Variants in PDZD7 observed in about 807,000 individuals in gnomAD.
PDZD7 encodes PDZ domain-containing protein 7.
In PDZD7, 72 loss-of-function variants were observed where a neutral mutation model predicts 84.7. That is an observed-to-expected ratio of 0.85 (90% CI 0.70 to 1.03). The LOEUF is 1.03. Ranked by LOEUF, PDZD7 falls within the 50% of genes least tolerant of loss-of-function variation. The probability of loss-of-function intolerance (pLI) is 0.00; values close to 1 mark genes in which losing one functional copy is unlikely to be tolerated. For synonymous variants in PDZD7, 594 were observed against 580.7 expected, an observed-to-expected ratio of 1.02 and a Z score of -0.33; for missense variants, 1,490 against 1,412.9, an observed-to-expected ratio of 1.05 and a Z score of -0.87.
intron 5 of PDZD7, 21 bp from the exon 6 acceptor site, chr10:101,021,966 G>A: frequency 1.2e-6 from 2 of 1,613,890 alleles, no homozygotes; most frequent in Non-Finnish European, 1.7e-6. Flanking sequence ...ACAGGCGTCA[G>A]TCTGATAGGC....
At chr10:101,013,503 T>C (rs74413927) in intron 11 of PDZD7, among the ~76,000 whole-genome samples, 4,963 of 152,226 alleles carry the variant, frequency 0.033, 115 homozygotes, top group Admixed American at 0.06. Context: ...TCTTAGAAGA[T>C]AGACGTAGGG....
At position 101,012,221 on chromosome 10, in the gene PDZD7, G is replaced by C. The variant is rs1333072224; in HGVS notation, c.1787C>G (p.Pro596Arg). ...HEGGIEDLVR[P>R]LLAILDRPEK... ...CGGCCTGTCGAGGATGGCCAGCAGG[G>C]GCCTCACCAGGTCCTCTATGCCTCC... Residue 596 changes from proline (P) to arginine (R), a missense_variant, in exon 12 of 17, where the codon CCC (proline) becomes CGC (arginine). Physicochemically the swap from Pro to Arg is moderately radical, Grantham distance 103. Coordinates refer to ENST00000619208, the MANE Select transcript of PDZD7 (RefSeq NM_001195263.2). 1 of 1,550,252 alleles carries C rather than the reference G, an allele frequency of 6.5e-7. No individual in the cohort carries two copies. The highest frequency in any genetic ancestry group is 1.4e-5 in the African/African-American group (1 of 73,044).
Position 101,008,302 on chromosome 10 carries a change from T to G in PDZD7, c.*165A>C. ...CTTGGACACTAAGGCAGAGCCTTAA[T>G]GACAGCTGAGGAGGGAAGAAAGTGG... On this transcript the variant is annotated 3_prime_UTR_variant, in exon 17 of 17. Coordinates refer to ENST00000619208, the MANE Select transcript of PDZD7 (RefSeq NM_001195263.2). The G allele has an allele frequency of 1.3e-6, 1 of 757,140 alleles. No individual in the cohort carries two copies. Among genetic ancestry groups the G allele is most frequent in the Non-Finnish European group, 2.1e-6 (1 of 483,700 alleles). The allele number at this position is 757,140 out of a possible 1,614,324, so 46.9% of individuals were successfully genotyped here.
In PDZD7 at chr10:101,023,577, G is replaced by A. The variant is rs1301894583; in HGVS notation, c.401C>T (p.Thr134Met). Reference protein sequence around the residue: ...RAGLCVGDKITEVNGLSLEST... With the variant: ...RAGLCVGDKIMEVNGLSLEST... ...CTCCAGGCTCAGCCCATTCACCTCC[G>A]TGATCTTGTCCCCCACGCACAGGCC... The change falls in exon 4 of 17, where the codon ACG (threonine) becomes ATG (methionine). Residue 134 changes from threonine to methionine, a missense_variant. Transcript: ENST00000619208. The A allele has an allele frequency of 2.5e-6, 4 of 1,613,496 alleles. No individual in the cohort carries two copies. The highest frequency in any genetic ancestry group is 2.5e-6 in the Non-Finnish European group (3 of 1,180,018).
At position 101,020,630 on chromosome 10, in the gene PDZD7, A is replaced by C. The variant is rs770262608; in HGVS notation, c.916T>G (p.Trp306Gly). The C allele has an allele frequency of 6.2e-7, 1 of 1,613,886 alleles. No individual in the cohort carries two copies. Among genetic ancestry groups the C allele is most frequent in the Middle Eastern group, 1.6e-4 (1 of 6,062 alleles). Reference sequence around the variant, plus strand: ...CTGAGCCACTTACGTCGGTCCAGCCAGCAGTACTCAGAAACCATCTCCTTG... The same window carrying C: ...CTGAGCCACTTACGTCGGTCCAGCCCGCAGTACTCAGAAACCATCTCCTTG... ...AYKEMVSEYC[W>G]LDRLSNGVLQ... Residue 306 changes from tryptophan (W) to glycine (G), a missense_variant, in exon 7 of 17, where the codon TGG (tryptophan) becomes GGG (glycine). Physicochemically the swap from Trp to Gly is radical, Grantham distance 184. Transcript: ENST00000619208.
chr10:101,018,811 C>T lies in PDZD7; in HGVS notation c.1324+11G>A. 8.2e-6 allele frequency: 13 copies of T among 1,579,002 alleles called. No homozygotes were observed. The highest frequency in any genetic ancestry group is 1.1e-5 in the Non-Finnish European group (13 of 1,159,790). ...TGTGGAGGGAGCAGCCGCCACCCAT[C>T]CCCCACGTACCCCACAAGGTCAGAT... is the stretch of plus-strand genomic sequence containing the variant. On this transcript the variant is annotated intron_variant, in intron 8 of 16. Coordinates refer to ENST00000619208, the MANE Select transcript of PDZD7 (RefSeq NM_001195263.2).
Position 101,008,762 on chromosome 10 carries a change from C to G in PDZD7, c.2807G>C (p.Arg936Pro), listed in dbSNP as rs963573075. ...RAVDTIRRAYRNKAREPMELV... is the reference protein window; with the variant it reads ...RAVDTIRRAYPNKAREPMELV... Reference sequence around the variant, plus strand: ...CTCCATGGGCTCCCGGGCCTTGTTTCGATAAGCCCGACGGATGGTGTCTAC... The same window carrying G: ...CTCCATGGGCTCCCGGGCCTTGTTTGGATAAGCCCGACGGATGGTGTCTAC... The change falls in exon 17 of 17, where the codon CGA (arginine) becomes CCA (proline). Residue 936 changes from arginine (R) to proline (P), a missense_variant. Coordinates refer to ENST00000619208, the MANE Select transcript of PDZD7 (RefSeq NM_001195263.2). The G allele has an allele frequency of 4.6e-6, 7 of 1,535,550 alleles. No individual in the cohort carries two copies. The highest frequency in any genetic ancestry group is 5.2e-6 in the Non-Finnish European group (6 of 1,146,598).
At position 101,015,621 on chromosome 10, in the gene PDZD7, G is replaced by C. The variant is rs1425104471; in HGVS notation, c.1749+15C>G. On this transcript the variant is annotated intron_variant, in intron 11 of 16. Coordinates refer to ENST00000619208, the MANE Select transcript of PDZD7 (RefSeq NM_001195263.2). ...AGGACCGTGTGCCAGGGCTGCGGATGGGATGAAGGCTTACCCGGGAGCAGT... is the reference window on the plus strand; with the variant it reads ...AGGACCGTGTGCCAGGGCTGCGGATCGGATGAAGGCTTACCCGGGAGCAGT... 1 of 1,546,088 alleles carries C rather than the reference G, an allele frequency of 6.5e-7. No individual in the cohort carries two copies. Among genetic ancestry groups the C allele is most frequent in the Admixed American group, 2.0e-5 (1 of 50,902 alleles).
At chr10:101,017,892 A>AAAGAAAGGAAAGAAAGAAAG (rs71013483) in intron 9 of PDZD7, 9 of 142,514 alleles carry the variant, frequency 6.3e-5, no homozygotes, top group African/African-American at 2.4e-4. Flanking sequence ...AGAAAGAAAG[A>AAAGAAAGGAAAGAAAGAAAG]AAAGAAAGAA....
intron 9 of PDZD7, chr10:101,017,883 GAAAGA>G (rs1367368037): frequency 8.5e-6 from 2 of 234,938 alleles, no homozygotes; most frequent in African/African-American, 7.8e-5. Context: ...AAGAAAGAAA[GAAAGA>G]AAGAAAAGAA....
chr10:101,025,829 G>C (rs574340874), intron 2 of PDZD7, among the ~76,000 whole-genome samples: 8 of 152,174 alleles, frequency 5.3e-5, no homozygotes, highest in South Asian at 2.1e-4. Flanking sequence ...TTACAGGCGT[G>C]AGCCACCACA....
chr10:101,015,270 G>T (rs807015), intron 11 of PDZD7, among the ~76,000 whole-genome samples: 132,966 of 152,238 alleles, frequency 0.87, 58,119 homozygotes, highest in East Asian at 0.96. Context: ...CTTTCCCCAC[G>T]TGGCACCTGT....
At chr10:101,021,752 C>T in intron 6 of PDZD7, 46 bp downstream of exon 6, 1 of 1,614,024 alleles carries the variant, frequency 6.2e-7, no homozygotes, top group Non-Finnish European at 8.5e-7. Context: ...GTCTGGGAAG[C>T]CCCTACTCTA....
Position 101,010,393 on chromosome 10 carries a change from C to A in PDZD7, c.2496G>T (p.Lys832Asn). 6.5e-7 allele frequency: 1 copy of A among 1,536,206 alleles called. No individual in the cohort carries two copies. The highest frequency in any genetic ancestry group is 8.7e-7 in the Non-Finnish European group (1 of 1,146,938). Residue 832 changes from lysine to asparagine, a missense_variant, in exon 15 of 17, where the codon AAG (lysine) becomes AAT (asparagine). Physicochemically the swap from Lys to Asn is moderately conservative, Grantham distance 94. Coordinates refer to ENST00000619208, the MANE Select transcript of PDZD7 (RefSeq NM_001195263.2). The part of the protein sequence containing the change: ...LPRPLDGEAA[K>N]VGAKQGPSES... ...CCGAGGGCCCTTGCTTGGCCCCCAC[C>A]TTGGCTGCCTCCCCATCCAGAGGTC...
Position 101,008,579 on chromosome 10 carries a change from G to A in PDZD7, c.2990C>T (p.Pro997Leu). ...AHWLPEPPTN[P>L]QTPPTDARLL... ...CCTGGCATCAGTGGGAGGAGTCTGG[G>A]GATTGGTGGGAGGTTCTGGGAGCCA... Residue 997 changes from proline (P) to leucine (L), a missense_variant, in exon 17 of 17, where the codon CCC becomes CTC. Transcript: ENST00000619208. The A allele has an allele frequency of 6.5e-7, 1 of 1,535,904 alleles. No individual in the cohort carries two copies. The highest frequency in any genetic ancestry group is 8.7e-7 in the Non-Finnish European group (1 of 1,146,736).
At chr10:101,020,087 C>G (rs1157126498) in intron 7 of PDZD7, among the ~76,000 whole-genome samples, 1 of 151,120 alleles carries the variant, frequency 6.6e-6, no homozygotes, top group Non-Finnish European at 1.5e-5. Flanking sequence ...CACCACCACT[C>G]CAGTTAATTT....
intron 9 of PDZD7, chr10:101,017,637 T>A (rs1454987595): frequency 1.4e-6 from 1 of 700,552 alleles, no homozygotes; most frequent in Non-Finnish European, 2.6e-6. Flanking sequence ...TGCAAAAAAA[T>A]TAGCTGAGCA....
At chr10:101,016,967 C>T (rs576360639) in intron 9 of PDZD7, among the ~76,000 whole-genome samples, 1 of 152,270 alleles carries the variant, frequency 6.6e-6, no homozygotes, top group East Asian at 1.9e-4. Context: ...GCTCCTCATC[C>T]TCTGGTTGTT....
chr10:101,028,314 A>C (rs1590077529), intron 2 of PDZD7, among the ~76,000 whole-genome samples: 2 of 152,314 alleles, frequency 1.3e-5, no homozygotes, highest in Middle Eastern at 3.4e-3. Context: ...TAGGCCAGGC[A>C]TGGTGGCTCA....
Sources: gnomAD v4.1 joint callset for allele counts (sites outside exome capture counted in the v4.1 genomes callset) on GRCh38, gnomAD v4.1.1 for gene constraint, MANE v1.5 for transcripts, NCBI Gene and HGNC (gene_info 2026-07-23, HGNC 2026-07-21) for gene names.